Variants in TMC5 observed in about 807,000 individuals in gnomAD.
TMC5 encodes transmembrane channel-like protein 5.
Under a neutral mutation model 110.5 loss-of-function variants are expected in TMC5, and 86 were observed. The observed-to-expected ratio is 0.78, with a 90% CI of 0.65 to 0.93. The LOEUF (loss-of-function observed/expected upper bound fraction) is 0.93, where lower values mean the gene tolerates loss of function less well. Ranked by LOEUF, TMC5 falls within the 40% of genes least tolerant of loss-of-function variation. The pLI is 0.00. For synonymous variants in TMC5, 455 were observed against 439.5 expected (o/e 1.04, Z -0.44); for missense variants, 1,144 against 1,222.8 (o/e 0.94, Z 0.96).
At chr16:19,431,877 T>C (rs1174238060) in intron 2 of TMC5, among the ~76,000 whole-genome samples, 1 of 152,186 alleles carries the variant, frequency 6.6e-6, no homozygotes. Flanking sequence ...GGTTCCATGG[T>C]ATTCCACTGT....
chr16:19,445,054 A>G (rs556953341), intron 4 of TMC5, among the ~76,000 whole-genome samples: 22 of 152,268 alleles, frequency 1.4e-4, no homozygotes, highest in Admixed American at 5.2e-4. Context: ...ACTTGAACCC[A>G]GGAGGCGGAG....
At chr16:19,456,339 A>T (rs914876203) in intron 5 of TMC5, 25 of 363,222 alleles carry the variant, frequency 6.9e-5, no homozygotes, top group African/African-American at 5.3e-4. Flanking sequence ...TATAAAAAAA[A>T]ATCTTGCCCT....
At chr16:19,444,302 GGATTT>G in intron 4 of TMC5, 52 bp downstream of exon 4, 1 of 1,540,822 alleles carries the variant, frequency 6.5e-7, no homozygotes, top group Non-Finnish European at 8.9e-7. Context: ...TGAAATCACT[GGATTT>G]AGGGGTGCAA....
rs1039832824 is a variant in TMC5 at position 19,428,529 on chromosome 16, G to A, written c.-307-1884G>A. ...TCATGTTAATTCAGTGTTATAAGAC[G>A]CATTTGTTACTTCAGTAGTAAACAC... On this transcript the variant is annotated intron_variant, in intron 1 of 21. Coordinates refer to ENST00000542583, the MANE Select transcript of TMC5 (RefSeq NM_001261841.2). Among the ~76,000 whole-genome samples, 13 of 152,166 alleles carry A rather than the reference G, an allele frequency of 8.5e-5. 1 individual carries two copies. The highest frequency in any genetic ancestry group is 4.2e-4 in the South Asian group (2 of 4,814).
chr16:19,460,140 C>A, intron 5 of TMC5, 95 bp from the exon 6 acceptor site: 1 of 829,734 alleles, frequency 1.2e-6, no homozygotes, highest in Non-Finnish European at 1.8e-6. Context: ...TAAACTTCTT[C>A]CCTTGTGTTA....
At chr16:19,438,692 G>A (rs1354682926) in intron 2 of TMC5, among the ~76,000 whole-genome samples, 2 of 151,902 alleles carry the variant, frequency 1.3e-5, no homozygotes, top group Non-Finnish European at 2.9e-5. Context: ...GGTTGCAGTG[G>A]GCCGAGATTG....
chr16:19,447,612 G>T (rs13338936), intron 4 of TMC5, among the ~76,000 whole-genome samples: 5,566 of 152,088 alleles, frequency 0.037, 130 homozygotes, highest in African/African-American at 0.058. Context: ...CAGACAAAAT[G>T]CCCGCTCTTT....
intron 11 of TMC5, among the ~76,000 whole-genome samples, chr16:19,472,455 G>C (rs1354518893): frequency 3.9e-5 from 6 of 152,080 alleles, no homozygotes; most frequent in Non-Finnish European, 7.4e-5. Context: ...AGGATCACCT[G>C]AAACCCAGGA....
At chr16:19,446,874 G>C (rs979208511) in intron 4 of TMC5, among the ~76,000 whole-genome samples, 2 of 152,180 alleles carry the variant, frequency 1.3e-5, no homozygotes, top group African/African-American at 4.8e-5. Flanking sequence ...GCAATCACTT[G>C]TCCAGTGTCA....
Position 19,495,264 on chromosome 16 carries a change from T to G in TMC5, c.2931+898T>G, listed in dbSNP as rs1420783976. On this transcript the variant is annotated intron_variant, in intron 20 of 21. Transcript: ENST00000542583. ...CTCCTGACCTCGTGATCCGCCCGCCTCGGCCTCCCAAAGTGCTGGGATTAC... is the reference window on the plus strand; with the variant it reads ...CTCCTGACCTCGTGATCCGCCCGCCGCGGCCTCCCAAAGTGCTGGGATTAC... Among the ~76,000 whole-genome samples, 3 of 23,796 alleles carry G rather than the reference T, an allele frequency of 1.3e-4. 1 individual carries two copies. Among genetic ancestry groups the G allele is most frequent in the African/African-American group, 2.4e-4 (3 of 12,572 alleles). 15.6% of individuals were successfully genotyped at this position (23,796 alleles called of 152,430 possible). A position where few individuals can be genotyped will look rare whatever the true frequency, so the allele number is the denominator to read the frequency against.
intron 5 of TMC5, among the ~76,000 whole-genome samples, chr16:19,458,611 A>G (rs896732365): frequency 6.6e-6 from 1 of 152,194 alleles, no homozygotes; most frequent in Non-Finnish European, 1.5e-5. Flanking sequence ...CTTTACTCAC[A>G]CAAAGCATTT....
intron 1 of TMC5, among the ~76,000 whole-genome samples, chr16:19,421,248 ATAT>A (rs1291351927): frequency 2.6e-5 from 4 of 152,088 alleles, no homozygotes; most frequent in African/African-American, 9.7e-5. Flanking sequence ...TCATGTTAAA[ATAT>A]TATTTATTTT....
Position 19,472,381 on chromosome 16 carries a change from A to T in TMC5, c.1938+138A>T, listed in dbSNP as rs571255632. 4 of 977,458 alleles carry T rather than the reference A, an allele frequency of 4.1e-6. No homozygotes were observed. In the Admixed American group the frequency reaches 9.9e-5, roughly 24 times the overall value. The allele number at this position is 977,458 out of a possible 1,614,324, so 60.5% of individuals were successfully genotyped here. A position where few individuals can be genotyped will look rare whatever the true frequency, so the allele number is the denominator to read the frequency against. ...CAGCACTAGCAGAGAACTTGTTAAAAATGCAGGGGTGAGGCACAGTGGCTT... is the reference window on the plus strand; with the variant it reads ...CAGCACTAGCAGAGAACTTGTTAAATATGCAGGGGTGAGGCACAGTGGCTT... On this transcript the variant is annotated intron_variant, in intron 11 of 21. Transcript: ENST00000542583.
chr16:19,413,523 C>CAAAAAAAAAAAAAAA (rs869158130), upstream of TMC5, among the ~76,000 whole-genome samples: 1 of 52,966 alleles, frequency 1.9e-5, no homozygotes, highest in African/African-American at 4.9e-5. Flanking sequence ...AACCCTGCCT[C>CAAAAAAAAAAAAAAA]AAAAAAAAAA....
chr16:19,428,625 C>T (rs1428773380), intron 1 of TMC5, among the ~76,000 whole-genome samples: 1 of 152,104 alleles, frequency 6.6e-6, no homozygotes, highest in East Asian at 1.9e-4. Context: ...GATTAAAATT[C>T]ATTTTTCTTT....
At chr16:19,438,435 G>GAGAAAGAAAGAAAGAAAAGAAAGAA in intron 2 of TMC5, among the ~76,000 whole-genome samples, 1 of 103,936 alleles carries the variant, frequency 9.6e-6, no homozygotes, top group Non-Finnish European at 1.8e-5. Flanking sequence ...AAGAAAGAAA[G>GAGAAAGAAAGAAAGAAAAGAAAGAA]AGAAAGAAAG....
At chr16:19,484,540 T>C (rs554036530) in intron 15 of TMC5, among the ~76,000 whole-genome samples, 2 of 152,288 alleles carry the variant, frequency 1.3e-5, no homozygotes, top group Admixed American at 1.3e-4. Flanking sequence ...GGCAGGCAGA[T>C]CACTTGAGGT....
intron 5 of TMC5, among the ~76,000 whole-genome samples, chr16:19,459,924 A>G (rs1226421308): frequency 6.6e-6 from 1 of 151,328 alleles, no homozygotes; most frequent in Non-Finnish European, 1.5e-5. Context: ...TCTCAAAAAA[A>G]AAAAAAAAAA....
At chr16:19,414,309 A>G (rs1178012917), upstream of TMC5, among the ~76,000 whole-genome samples, 2 of 152,048 alleles carry the variant, frequency 1.3e-5, no homozygotes, top group African/African-American at 4.8e-5. Context: ...TTTTTCTTTG[A>G]CTGTTCCTGT....
Sources: allele counts gnomAD v4.1 joint callset (sites outside exome capture counted in the v4.1 genomes callset), GRCh38; gene constraint gnomAD v4.1.1; transcripts MANE v1.5; gene names NCBI Gene and HGNC (gene_info 2026-07-23, HGNC 2026-07-21).